ABCC9: variants seen among roughly 807,000 people sequenced by gnomAD.
ABCC9 encodes ATP binding cassette subfamily C member 9.
Under a neutral mutation model 188.3 loss-of-function variants are expected in ABCC9, and 95 were observed. The ratio of observed to expected loss-of-function variants is 0.50; its 90% CI spans 0.43 to 0.60. The LOEUF is 0.60. Among genes scored for constraint, ABCC9 ranks in the 20% least tolerant of loss-of-function variants. The probability of loss-of-function intolerance (pLI) is 0.00; values close to 1 mark genes in which losing one functional copy is unlikely to be tolerated. For synonymous variants in ABCC9, 659 were observed against 652.7 expected (o/e 1.01, Z -0.15); for missense variants, 1,102 against 1,876.3 (o/e 0.59, Z 7.62).
In ABCC9 at chr12:21,852,124, CATA is replaced by C; in HGVS notation, c.2739_2741del (p.Met914del). 1 of 1,613,688 alleles carries C rather than the reference CATA, an allele frequency of 6.2e-7. No homozygotes were observed. Among genetic ancestry groups the C allele is most frequent in the Non-Finnish European group, 8.5e-7 (1 of 1,179,862 alleles). On this transcript the variant is annotated inframe_deletion, in exon 24 of 40. Transcript: ENST00000261200. ...TTTCTAATTCTTGATCTTGCCGATT[CATA>C]AGTGTTTTCCAGTGTTCATAAAGCT...
chr12:21,837,987 C>G (rs1488232808), intron 30 of ABCC9, 91 bp downstream of exon 30: 8 of 1,121,090 alleles, frequency 7.1e-6, no homozygotes, highest in Non-Finnish European at 1.1e-5. Flanking sequence ...GGAGATCAAA[C>G]AAAATGAAAG....
At chr12:21,897,989 A>C (rs1947506686) in intron 12 of ABCC9, among the ~76,000 whole-genome samples, 2 of 152,128 alleles carry the variant, frequency 1.3e-5, no homozygotes, top group South Asian at 4.1e-4. Context: ...TCAATCTTTT[A>C]ATTCTAAAGT....
intron 30 of ABCC9, among the ~76,000 whole-genome samples, chr12:21,835,048 A>G (rs1385354956): frequency 6.6e-6 from 1 of 152,150 alleles, no homozygotes; most frequent in Admixed American, 6.6e-5. Context: ...GAGGAGCTCA[A>G]TAGGATTTTT....
chr12:21,856,964 A>G (rs1015866167), intron 22 of ABCC9, among the ~76,000 whole-genome samples: 1 of 152,224 alleles, frequency 6.6e-6, no homozygotes, highest in Admixed American at 6.5e-5. Context: ...TAGCTTGAGG[A>G]TACCATCTAC....
intron 16 of ABCC9, among the ~76,000 whole-genome samples, 175 bp downstream of exon 16, chr12:21,882,591 A>C (rs1001730731): frequency 2.0e-5 from 3 of 152,162 alleles, no homozygotes; most frequent in Non-Finnish European, 4.4e-5. Context: ...TGTGGTTGGG[A>C]GATGAGGAAG....
chr12:21,814,148 T>C (rs1385830498), intron 35 of ABCC9, among the ~76,000 whole-genome samples: 1 of 152,208 alleles, frequency 6.6e-6, no homozygotes, highest in African/African-American at 2.4e-5. Flanking sequence ...CTTTATCACT[T>C]TGCAGCAAAG....
chr12:21,906,104 T>A (rs1948033941), intron 12 of ABCC9, 22 bp downstream of exon 12: 1 of 1,611,940 alleles, frequency 6.2e-7, no homozygotes. Context: ...AGTCGCCTGT[T>A]CTTAGAGCAA....
Position 21,915,774 on chromosome 12 carries a change from G to T in ABCC9, c.710C>A (p.Ser237Tyr). 1 of 1,613,252 alleles carries T rather than the reference G, an allele frequency of 6.2e-7. No individual in the cohort carries two copies. The highest frequency in any genetic ancestry group is 8.5e-7 in the Non-Finnish European group (1 of 1,179,750). ...CAGATCAATAGGCTTTTTGTGAGCA[G>T]ATATAATAAGTGTGTTCATCCACCA... ...TYWWMNTLII[S>Y]AHKKPIDLKA... Residue 237 changes from serine to tyrosine, a missense_variant, in exon 7 of 40, where the codon TCT (serine) becomes TAT (tyrosine). Ser to Tyr is a moderately radical substitution (Grantham distance 144). Coordinates refer to ENST00000261200, the MANE Select transcript of ABCC9 (RefSeq NM_020297.4).
At chr12:21,918,399 G>T (rs1006822001) in intron 5 of ABCC9, among the ~76,000 whole-genome samples, 2 of 151,940 alleles carry the variant, frequency 1.3e-5, no homozygotes, top group African/African-American at 4.8e-5. Context: ...TTGTACCTTC[G>T]TATTAACTGA....
chr12:21,909,979 A>G (rs1159097848), intron 10 of ABCC9, among the ~76,000 whole-genome samples, 178 bp downstream of exon 10: 2 of 151,908 alleles, frequency 1.3e-5, no homozygotes, highest in African/African-American at 4.8e-5. Flanking sequence ...TATAATTTCA[A>G]ACTTCTCTTG....
intron 12 of ABCC9, among the ~76,000 whole-genome samples, chr12:21,900,511 T>A: frequency 6.6e-6 from 1 of 152,166 alleles, no homozygotes; most frequent in East Asian, 1.9e-4. Context: ...CAAACTTCTC[T>A]GAGCTAAAGG....
intron 31 of ABCC9, among the ~76,000 whole-genome samples, chr12:21,826,883 T>C (rs910219709): frequency 3.3e-5 from 5 of 152,192 alleles, no homozygotes; most frequent in African/African-American, 1.2e-4. Flanking sequence ...TATTTTGTAT[T>C]AATTTTTAAG....
At chr12:21,867,992 G>A (rs1443958899) in intron 18 of ABCC9, among the ~76,000 whole-genome samples, 1 of 152,076 alleles carries the variant, frequency 6.6e-6, no homozygotes, top group African/African-American at 2.4e-5. Context: ...ATGACAACCA[G>A]GAAAGGACTT....
intron 22 of ABCC9, among the ~76,000 whole-genome samples, chr12:21,859,074 A>C (rs1945374673): frequency 6.6e-6 from 1 of 152,170 alleles, no homozygotes; most frequent in East Asian, 1.9e-4. Context: ...TTAAAGACAT[A>C]AATTTTAGAT....
Position 21,815,657 on chromosome 12 carries a change from G to A in ABCC9, c.4023+106C>T, listed in dbSNP as rs915514700. ...AGATAATTTGACCTACATCAGGTAG[G>A]GAATATACTTACTTGGCTGGGAAGT... On this transcript the variant is annotated intron_variant, in intron 34 of 39. Coordinates refer to ENST00000261200, the MANE Select transcript of ABCC9 (RefSeq NM_020297.4). The A allele has an allele frequency of 4.3e-6, 6 of 1,397,584 alleles. No homozygotes were observed. In the African/African-American group the frequency reaches 7.1e-5, roughly 17 times the overall value. The allele number at this position is 1,397,584 out of a possible 1,614,324, so 86.6% of individuals were successfully genotyped here.
At chr12:21,911,757 T>C (rs1948335636) in intron 8 of ABCC9, among the ~76,000 whole-genome samples, 1 of 152,026 alleles carries the variant, frequency 6.6e-6, no homozygotes, top group African/African-American at 2.4e-5. Context: ...TCCTATTCTT[T>C]CTTAGCAAAA....
chr12:21,807,697 C>T (rs1349420538), intron 37 of ABCC9, among the ~76,000 whole-genome samples: 1 of 152,102 alleles, frequency 6.6e-6, no homozygotes, highest in Non-Finnish European at 1.5e-5. Flanking sequence ...TAGTGAATTA[C>T]CTCTGATAGG....
chr12:21,929,585 AAGAT>A (rs1949192295), intron 4 of ABCC9, among the ~76,000 whole-genome samples: 1 of 152,106 alleles, frequency 6.6e-6, no homozygotes, highest in African/African-American at 2.4e-5. Context: ...TAAAAAAAGA[AAGAT>A]GGAGTGATCA....
At chr12:21,882,301 G>A (rs1375228138) in intron 16 of ABCC9, among the ~76,000 whole-genome samples, 5 of 152,144 alleles carry the variant, frequency 3.3e-5, no homozygotes, top group Non-Finnish European at 5.9e-5. Flanking sequence ...CACAATGCCT[G>A]GGGAGAGTCC....
Sources: allele counts gnomAD v4.1 joint callset (sites outside exome capture counted in the v4.1 genomes callset), GRCh38; gene constraint gnomAD v4.1.1; transcripts MANE v1.5; gene names NCBI Gene and HGNC (gene_info 2026-07-23, HGNC 2026-07-21).